SLC35A1: variants seen among roughly 807,000 people sequenced by gnomAD.
SLC35A1 encodes CMP-sialic acid transporter.
A neutral mutation model predicts 40.3 loss-of-function variants in SLC35A1; 21 were observed. That is an observed-to-expected ratio of 0.52 (90% CI 0.37 to 0.75). SLC35A1 has a LOEUF of 0.75. SLC35A1 is among the 30% of genes least tolerant of loss of function. The pLI is 0.00. For missense variants in SLC35A1, 297 were observed against 382.1 expected (o/e 0.78, Z 1.86); for synonymous variants, 146 against 147.3 (o/e 0.99, Z 0.06).
At chr6:87,510,752 TC>T (rs1472317362) in intron 7 of SLC35A1, among the ~76,000 whole-genome samples, 6 of 151,614 alleles carry the variant, frequency 4.0e-5, no homozygotes, top group African/African-American at 1.2e-4. Flanking sequence ...CGCATGCTCC[TC>T]CCGGCTACTC....
intron 4 of SLC35A1, among the ~76,000 whole-genome samples, chr6:87,505,623 G>A (rs551487353): frequency 2.5e-4 from 38 of 152,280 alleles, no homozygotes; most frequent in African/African-American, 7.7e-4. Flanking sequence ...TCCAGAACAC[G>A]GTGCTGGCAT....
At chr6:87,495,575 A>T (rs908184185) in intron 2 of SLC35A1, among the ~76,000 whole-genome samples, 1 of 151,990 alleles carries the variant, frequency 6.6e-6, no homozygotes, top group Non-Finnish European at 1.5e-5. Context: ...GGAAGTAAAA[A>T]TCATGTCCCT....
At chr6:87,488,478 T>G (rs1325851669) in intron 2 of SLC35A1, 1 of 152,154 alleles carries the variant, frequency 6.6e-6, no homozygotes. Context: ...TACTAAAAAT[T>G]TGGACAGTAC....
chr6:87,490,201 C>T (rs1249811045), intron 2 of SLC35A1, among the ~76,000 whole-genome samples: 5 of 151,792 alleles, frequency 3.3e-5, no homozygotes, highest in East Asian at 1.9e-4. Flanking sequence ...TGTACTCTAG[C>T]TTGGGGGATA....
At position 87,511,820 on chromosome 6, in the gene SLC35A1, A is replaced by C. The variant is rs546594145; in HGVS notation, c.*294A>C. 17 of 396,930 alleles carry C rather than the reference A, an allele frequency of 4.3e-5. 1 individual carries two copies. The highest frequency in any genetic ancestry group is 3.8e-4 in the South Asian group (17 of 44,168). The allele number at this position is 396,930 out of a possible 1,614,324, so 24.6% of individuals were successfully genotyped here. A position where few individuals can be genotyped will look rare whatever the true frequency, so the allele number is the denominator to read the frequency against. ...TGGAGATGATACGGTGTTAAAAAAAATCATGGTAAGGCTACAATACTCAAG... is the reference window on the plus strand; with the variant it reads ...TGGAGATGATACGGTGTTAAAAAAACTCATGGTAAGGCTACAATACTCAAG... On this transcript the variant is annotated 3_prime_UTR_variant, in exon 8 of 8. Coordinates refer to ENST00000369552, the MANE Select transcript of SLC35A1 (RefSeq NM_006416.5).
chr6:87,493,195 A>G (rs533459064), intron 2 of SLC35A1, among the ~76,000 whole-genome samples: 1 of 152,298 alleles, frequency 6.6e-6, no homozygotes, highest in African/African-American at 2.4e-5. Flanking sequence ...GATGCTCAAA[A>G]TGTCCCAGAT....
intron 2 of SLC35A1, among the ~76,000 whole-genome samples, chr6:87,479,704 G>T (rs1276394294): frequency 6.6e-6 from 1 of 152,216 alleles, no homozygotes; most frequent in African/African-American, 2.4e-5. Flanking sequence ...TAATTGCTCA[G>T]CTATTCCTTT....
intron 7 of SLC35A1, among the ~76,000 whole-genome samples, chr6:87,509,514 A>G (rs183761103): frequency 6.6e-6 from 1 of 152,326 alleles, no homozygotes; most frequent in Admixed American, 6.5e-5. Context: ...TCAAGGAAAT[A>G]CATATAAAGA....
At chr6:87,492,441 G>T (rs970809780) in intron 2 of SLC35A1, among the ~76,000 whole-genome samples, 1 of 150,912 alleles carries the variant, frequency 6.6e-6, no homozygotes, top group South Asian at 2.1e-4. Context: ...TAAATTTAGG[G>T]TTTTTTTGGG....
intron 2 of SLC35A1, among the ~76,000 whole-genome samples, chr6:87,478,591 G>A (rs7761814): frequency 0.6 from 90,817 of 152,022 alleles, 27,889 homozygotes; most frequent in African/African-American, 0.73. Context: ...AGCTTCAGCA[G>A]TGTGTGATGA....
intron 4 of SLC35A1, 52 bp from the exon 5 acceptor site, chr6:87,506,326 TTGGA>T: frequency 7.3e-7 from 1 of 1,376,490 alleles, no homozygotes; most frequent in East Asian, 2.3e-5. Flanking sequence ...GTTTGGACTC[TTGGA>T]TGAACTCTGT....
Position 87,477,639 on chromosome 6 carries a change from G to T in SLC35A1, c.194+100G>T, listed in dbSNP as rs1056776426. The T allele has an allele frequency of 3.8e-6, 4 of 1,053,498 alleles. No individual in the cohort carries two copies. The Admixed American group carries it at 5.6e-5, about 15-fold the overall frequency. The allele number at this position is 1,053,498 out of a possible 1,614,324, so 65.3% of individuals were successfully genotyped here. On this transcript the variant is annotated intron_variant, in intron 2 of 7. Coordinates refer to ENST00000369552, the MANE Select transcript of SLC35A1 (RefSeq NM_006416.5). The stretch of plus-strand genomic sequence containing the variant: ...CATCTTTATATGTTTAATTGCTCTG[G>T]GTCAGTGTTTCTCAACTAGGGGTGA...
At chr6:87,502,430 T>C (rs1424820905) in intron 4 of SLC35A1, among the ~76,000 whole-genome samples, 1 of 151,914 alleles carries the variant, frequency 6.6e-6, no homozygotes, top group African/African-American at 2.4e-5. Flanking sequence ...TTCACTGTTG[T>C]GCAAACATCA....
intron 7 of SLC35A1, 126 bp downstream of exon 7, chr6:87,509,301 C>A: frequency 8.5e-7 from 1 of 1,171,450 alleles, no homozygotes; most frequent in African/African-American, 1.5e-5. Context: ...TTTGTTACTA[C>A]AGTTTATTCC....
At chr6:87,477,221 T>C in intron 1 of SLC35A1, 141 bp from the exon 2 acceptor site, 3 of 736,102 alleles carry the variant, frequency 4.1e-6, no homozygotes, top group Non-Finnish European at 6.7e-6. Context: ...AACATTGTTT[T>C]GAAAAAAATT....
At chr6:87,498,743 T>A (rs2127973510) in intron 2 of SLC35A1, among the ~76,000 whole-genome samples, 1 of 152,158 alleles carries the variant, frequency 6.6e-6, no homozygotes, top group South Asian at 2.1e-4. Context: ...GCACTCCAGG[T>A]TGGGTGACAG....
intron 1 of SLC35A1, among the ~76,000 whole-genome samples, chr6:87,473,354 TGG>T (rs1768973796): frequency 6.6e-6 from 1 of 152,046 alleles, no homozygotes; most frequent in Non-Finnish European, 1.5e-5. Flanking sequence ...GGTCCGGGGC[TGG>T]ACCGCATTAC....
chr6:87,481,656 C>G (rs1769249359), intron 2 of SLC35A1, among the ~76,000 whole-genome samples: 3 of 152,090 alleles, frequency 2.0e-5, no homozygotes, highest in South Asian at 4.1e-4. Context: ...TTAATAAAAC[C>G]CTGTAGACAT....
In SLC35A1 at chr6:87,500,641, A is replaced by G. The variant is rs1193039797; in HGVS notation, c.328A>G (p.Ser110Gly). 6.2e-7 allele frequency: 1 copy of G among 1,614,184 alleles called. No homozygotes were observed. The highest frequency in any genetic ancestry group is 8.5e-7 in the Non-Finnish European group (1 of 1,180,032). Residue 110 changes from serine to glycine, a missense_variant, in exon 3 of 8, where the codon AGC (serine) becomes GGC (glycine). Ser to Gly is a moderately conservative substitution (Grantham distance 56). Coordinates refer to ENST00000369552, the MANE Select transcript of SLC35A1 (RefSeq NM_006416.5). ...GAACAACATGGCTTTCCTAGCTCTT[A>G]GCAATCTGGATGCAGCAGTGTACCA... Reference protein sequence around the residue: ...VQNNMAFLALSNLDAAVYQVT... With the variant: ...VQNNMAFLALGNLDAAVYQVT...
Sources: gnomAD v4.1 joint callset for allele counts (sites outside exome capture counted in the v4.1 genomes callset) on GRCh38, gnomAD v4.1.1 for gene constraint, MANE v1.5 for transcripts, NCBI Gene and HGNC (gene_info 2026-07-23, HGNC 2026-07-21) for gene names.